Variants in FAM13A observed in about 807,000 individuals in gnomAD.
FAM13A encodes family with sequence similarity 13 member A, also known as protein FAM13A.
In FAM13A, 76 loss-of-function variants were observed where a neutral mutation model predicts 129.6. The observed-to-expected ratio is 0.59, with a 90% CI of 0.49 to 0.71. The LOEUF (loss-of-function observed/expected upper bound fraction) is 0.71, where lower values mean the gene tolerates loss of function less well. FAM13A is among the 30% of genes least tolerant of loss of function. The pLI, the probability that FAM13A is intolerant of heterozygous loss-of-function variation, is 0.00. For missense variants in FAM13A, 1,108 were observed against 1,249.3 expected, an observed-to-expected ratio of 0.89 and a Z score of 1.70; for synonymous variants, 443 against 449.9, an observed-to-expected ratio of 0.98 and a Z score of 0.20.
chr4:88,945,718 A>C lies in FAM13A; in HGVS notation c.606-7477T>G, dbSNP rs527242041. ...GGAAGTTCTTCTTCAAACATTATAAAAAGTCACATTTTCTTACTATAAGAT... is the reference window on the plus strand; with the variant it reads ...GGAAGTTCTTCTTCAAACATTATAACAAGTCACATTTTCTTACTATAAGAT... On this transcript the variant is annotated intron_variant, in intron 4 of 23. Coordinates refer to ENST00000264344, the MANE Select transcript of FAM13A (RefSeq NM_014883.4). Among the ~76,000 whole-genome samples the C allele has an allele frequency of 2.1e-5, 3 of 145,860 alleles. No homozygotes were observed. In the East Asian group the frequency reaches 5.9e-4, roughly 29 times the overall value.
At chr4:88,824,260 G>A (rs1197361112) in intron 7 of FAM13A, among the ~76,000 whole-genome samples, 1 of 151,996 alleles carries the variant, frequency 6.6e-6, no homozygotes, top group African/African-American at 2.4e-5. Flanking sequence ...GTAGTAGAAG[G>A]AACATGACAT....
chr4:88,734,875 A>G (rs1738660070), intron 21 of FAM13A, among the ~76,000 whole-genome samples: 1 of 152,244 alleles, frequency 6.6e-6, no homozygotes, highest in Non-Finnish European at 1.5e-5. Flanking sequence ...CATAGGCAAG[A>G]AACTGGAGGC....
At chr4:88,930,456 G>C (rs1452065913) in intron 5 of FAM13A, among the ~76,000 whole-genome samples, 3 of 152,132 alleles carry the variant, frequency 2.0e-5, no homozygotes, top group Non-Finnish European at 4.4e-5. Context: ...GCAATACACA[G>C]GGTCAGTGGT....
chr4:88,798,067 G>A (rs1476919048), intron 8 of FAM13A, among the ~76,000 whole-genome samples: 1 of 152,136 alleles, frequency 6.6e-6, no homozygotes, highest in African/African-American at 2.4e-5. Flanking sequence ...ATTGTTCTTA[G>A]TTTATATAAT....
chr4:88,991,636 T>C (rs976369493), intron 3 of FAM13A, among the ~76,000 whole-genome samples: 1 of 152,192 alleles, frequency 6.6e-6, no homozygotes, highest in African/African-American at 2.4e-5. Context: ...TTTGTCAAAA[T>C]CAGGATTCTT....
At chr4:88,851,882 T>TTTTA (rs1480433679) in intron 6 of FAM13A, among the ~76,000 whole-genome samples, 7 of 152,340 alleles carry the variant, frequency 4.6e-5, no homozygotes, top group African/African-American at 1.7e-4. Flanking sequence ...TGTTCTCTTA[T>TTTTA]TTTAGATCAG....
intron 3 of FAM13A, among the ~76,000 whole-genome samples, chr4:89,000,020 T>C (rs1278137942): frequency 6.6e-6 from 1 of 152,216 alleles, no homozygotes; most frequent in Non-Finnish European, 1.5e-5. Context: ...AAGAACTTAC[T>C]GAGGATTTCA....
At chr4:88,747,036 A>G (rs113724222) in intron 18 of FAM13A, 21 bp from the exon 19 acceptor site, 1 of 1,495,554 alleles carries the variant, frequency 6.7e-7, no homozygotes, top group African/African-American at 1.4e-5. Context: ...ACAGGGATAG[A>G]GAATTGAAAG....
intron 14 of FAM13A, among the ~76,000 whole-genome samples, chr4:88,754,635 G>A (rs144501388): frequency 2.2e-4 from 34 of 152,302 alleles, no homozygotes; most frequent in African/African-American, 8.2e-4. Flanking sequence ...CCTCATGGTG[G>A]AGGCTCTTTA....
At chr4:88,922,799 G>A (rs1173044011) in intron 5 of FAM13A, among the ~76,000 whole-genome samples, 3 of 152,084 alleles carry the variant, frequency 2.0e-5, no homozygotes, top group Non-Finnish European at 4.4e-5. Flanking sequence ...TTGATAGACC[G>A]CTAGCAGACT....
chr4:89,049,619 T>C lies in FAM13A; in HGVS notation c.27+7319A>G, dbSNP rs183170419. Among the ~76,000 whole-genome samples, 12 of 152,362 alleles carry C rather than the reference T, an allele frequency of 7.9e-5. No homozygotes were observed. The East Asian group carries it at 2.3e-3, about 29-fold the overall frequency. ...ATTTTCATTGCCACTGTCTACATTT[T>C]TCATAGAATAAAACATTTGACTGAG... is the stretch of plus-strand genomic sequence containing the variant. On this transcript the variant is annotated intron_variant, in intron 1 of 23. Coordinates refer to ENST00000264344, the MANE Select transcript of FAM13A (RefSeq NM_014883.4).
At chr4:89,004,894 A>G (rs1451352201) in intron 3 of FAM13A, among the ~76,000 whole-genome samples, 1 of 151,990 alleles carries the variant, frequency 6.6e-6, no homozygotes, top group Non-Finnish European at 1.5e-5. Flanking sequence ...AAAGTTTTCT[A>G]AGCTTTCTAG....
intron 7 of FAM13A, among the ~76,000 whole-genome samples, chr4:88,805,468 C>T (rs1464323281): frequency 6.6e-6 from 1 of 152,168 alleles, no homozygotes; most frequent in East Asian, 1.9e-4. Flanking sequence ...CTGTTAAGAA[C>T]GAGCCACTTC....
chr4:88,952,431 T>C (rs973857721), intron 4 of FAM13A, among the ~76,000 whole-genome samples: 2 of 152,232 alleles, frequency 1.3e-5, no homozygotes, highest in African/African-American at 4.8e-5. Flanking sequence ...AGTATCTCAA[T>C]GTTATTTTAA....
chr4:88,773,800 C>A (rs72870540), intron 11 of FAM13A, among the ~76,000 whole-genome samples: 12,981 of 152,216 alleles, frequency 0.085, 969 homozygotes, highest in East Asian at 0.31. Flanking sequence ...TTACTAGATT[C>A]TGTCAATTAT....
intron 4 of FAM13A, among the ~76,000 whole-genome samples, chr4:88,957,178 T>C (rs1396944624): frequency 5.9e-5 from 9 of 152,086 alleles, no homozygotes; most frequent in Admixed American, 5.2e-4. Flanking sequence ...ATATGAAAAT[T>C]AGCTGGGCAT....
chr4:89,052,301 A>T, intron 1 of FAM13A, among the ~76,000 whole-genome samples: 2 of 136,242 alleles, frequency 1.5e-5, no homozygotes, highest in African/African-American at 2.7e-5. Context: ...ATTTTACTTT[A>T]CTTTATTTTA....
intron 1 of FAM13A, among the ~76,000 whole-genome samples, chr4:89,033,626 T>C (rs17768752): frequency 0.14 from 20,710 of 152,202 alleles, 1,654 homozygotes; most frequent in Non-Finnish European, 0.18. Flanking sequence ...GTCTCTTTAA[T>C]ACAAAGTAAG....
chr4:89,044,095 C>CAAAAAAAAAAAAAAAAAAA (rs148233625), intron 1 of FAM13A, among the ~76,000 whole-genome samples: 10 of 116,060 alleles, frequency 8.6e-5, no homozygotes, highest in African/African-American at 2.1e-4. Flanking sequence ...GAGACCATAT[C>CAAAAAAAAAAAAAAAAAAA]AAAAAAAAAG....
Sources: allele counts gnomAD v4.1 joint callset (sites outside exome capture counted in the v4.1 genomes callset), GRCh38; gene constraint gnomAD v4.1.1; transcripts MANE v1.5; gene names NCBI Gene and HGNC (gene_info 2026-07-23, HGNC 2026-07-21).